The following KDM4B variants were observed in gnomAD, a reference collection of about 807,000 sequenced individuals.
The protein encoded by KDM4B is lysine-specific demethylase 4B.
In KDM4B, 32 loss-of-function variants were observed where a neutral mutation model predicts 125.2. That is an observed-to-expected ratio of 0.26 (90% CI 0.19 to 0.34). The LOEUF is 0.34. KDM4B is among the 10% of genes least tolerant of loss of function. The pLI, the probability that KDM4B is intolerant of heterozygous loss-of-function variation, is 1.00. For missense variants in KDM4B, 1,190 were observed against 1,577.7 expected, an observed-to-expected ratio of 0.75 and a Z score of 4.16; for synonymous variants, 721 against 677.9, an observed-to-expected ratio of 1.06 and a Z score of -0.99.
chr19:5,151,364 C>T lies in KDM4B; in HGVS notation c.3144C>T (p.Pro1048=), dbSNP rs576065018. 17 of 1,583,516 alleles carry T rather than the reference C, an allele frequency of 1.1e-5. No individual in the cohort carries two copies. The highest frequency in any genetic ancestry group is 8.9e-5 in the Admixed American group (5 of 56,108). The part of the protein sequence containing the change: ...LSLSTGAPQE[P]AFSGEEAKAA... Reference sequence around the variant, plus strand: ...TGAGCACGGGGGCACCGCAGGAGCCCGCCTTCTCGGGGGAGGAGGCCAAGG... The same window carrying T: ...TGAGCACGGGGGCACCGCAGGAGCCTGCCTTCTCGGGGGAGGAGGCCAAGG... The change falls in exon 23 of 23, where the codon CCC becomes CCT. Residue 1048 remains proline, a synonymous_variant. Transcript: ENST00000159111.
At chr19:5,122,405 T>G (rs548207552) in intron 11 of KDM4B, among the ~76,000 whole-genome samples, 2 of 152,300 alleles carry the variant, frequency 1.3e-5, no homozygotes, top group East Asian at 3.9e-4. Context: ...GGGGACAGAT[T>G]CCCAGGCTCC....
intron 1 of KDM4B, among the ~76,000 whole-genome samples, chr19:4,972,531 G>A (rs2034296387): frequency 6.6e-6 from 1 of 152,142 alleles, no homozygotes. Context: ...GCACCGTAGG[G>A]TGAGTGTGAA....
chr19:4,988,593 G>T (rs1340672958), intron 1 of KDM4B, among the ~76,000 whole-genome samples: 1 of 152,108 alleles, frequency 6.6e-6, no homozygotes, highest in Admixed American at 6.6e-5. Flanking sequence ...CCTTCTTTGA[G>T]CTTAATTTGC....
intron 1 of KDM4B, among the ~76,000 whole-genome samples, chr19:5,005,743 C>G (rs1483006226): frequency 6.6e-6 from 1 of 152,194 alleles, no homozygotes; most frequent in Non-Finnish European, 1.5e-5. Flanking sequence ...TAAGATCGCT[C>G]TTAGAGGCTA....
intron 10 of KDM4B, chr19:5,113,164 C>A: frequency 6.6e-6 from 1 of 152,304 alleles, no homozygotes; most frequent in Non-Finnish European, 1.5e-5. Context: ...CCGGCCACCC[C>A]CTCACTTCTA....
At chr19:5,060,557 C>T (rs2037561732) in intron 6 of KDM4B, among the ~76,000 whole-genome samples, 1 of 150,372 alleles carries the variant, frequency 6.7e-6, no homozygotes, top group Non-Finnish European at 1.5e-5. Context: ...TTTAAACCAT[C>T]CTGTGCCTTT....
In KDM4B at chr19:5,030,386, C is replaced by T. The variant is rs544312283; in HGVS notation, c.-25-2480C>T. Among the ~76,000 whole-genome samples the T allele has an allele frequency of 8.1e-4, 123 of 152,314 alleles. 1 individual carries two copies. The highest frequency in any genetic ancestry group is 2.5e-3 in the African/African-American group (103 of 41,572). ...TGGGGGACATGAGAGTGTGGCAGGC[C>T]CCATACTGCATAGGTCACCCTGTGG... is the stretch of plus-strand genomic sequence containing the variant. On this transcript the variant is annotated intron_variant, in intron 2 of 22. Coordinates refer to ENST00000159111, the MANE Select transcript of KDM4B (RefSeq NM_015015.3).
intron 10 of KDM4B, chr19:5,111,369 A>T (rs1168626510): frequency 1.3e-6 from 1 of 763,078 alleles, no homozygotes; most frequent in Admixed American, 1.7e-5. Flanking sequence ...CCCTCCTCCC[A>T]CTCAGAACCC....
At chr19:5,031,455 G>A (rs1454930892) in intron 2 of KDM4B, among the ~76,000 whole-genome samples, 1 of 152,266 alleles carries the variant, frequency 6.6e-6, no homozygotes, top group African/African-American at 2.4e-5. Flanking sequence ...GCTGCCCCAT[G>A]GGAGAAGCTG....
At chr19:5,077,581 A>G (rs2038157223) in intron 8 of KDM4B, 111 bp downstream of exon 8, 2 of 883,416 alleles carry the variant, frequency 2.3e-6, no homozygotes, top group Admixed American at 2.0e-5. Context: ...AGAAGTTTCT[A>G]GAACAGTGAT....
intron 2 of KDM4B, among the ~76,000 whole-genome samples, chr19:5,021,172 C>G (rs754453763): frequency 3.3e-5 from 5 of 151,646 alleles, no homozygotes; most frequent in Non-Finnish European, 2.9e-5. Context: ...GAAAACACCC[C>G]TGGCTGCAGG....
At chr19:5,013,350 G>A (rs928299878) in intron 1 of KDM4B, among the ~76,000 whole-genome samples, 1 of 152,188 alleles carries the variant, frequency 6.6e-6, no homozygotes, top group African/African-American at 2.4e-5. Flanking sequence ...GGCCTGGGTG[G>A]CCCCTGGGAG....
intron 6 of KDM4B, among the ~76,000 whole-genome samples, chr19:5,051,675 G>A (rs894624868): frequency 2.6e-5 from 4 of 152,248 alleles, no homozygotes; most frequent in African/African-American, 9.6e-5. Context: ...AGGGAAGGGG[G>A]TGTCCCCCAG....
At chr19:5,040,733 T>C (rs1030889368) in intron 4 of KDM4B, among the ~76,000 whole-genome samples, 7 of 152,168 alleles carry the variant, frequency 4.6e-5, no homozygotes, top group Non-Finnish European at 8.8e-5. Context: ...GAGGTTCACG[T>C]GCCTTGTGGC....
At chr19:4,995,361 GC>G (rs545793155) in intron 1 of KDM4B, among the ~76,000 whole-genome samples, 7 of 151,990 alleles carry the variant, frequency 4.6e-5, no homozygotes, top group Non-Finnish European at 8.8e-5. Context: ...GGGCAACAGA[GC>G]AAGAATCCTG....
rs58219404 is a variant in KDM4B at position 5,035,880 on chromosome 19, T to TGTGTGTGTGTGTGTGTGCGCGC, written c.141+2850_141+2851insTGTGTGTGTGTGTGTGCGCGCG. 1.7e-4 allele frequency among the ~76,000 whole-genome samples: 23 copies of TGTGTGTGTGTGTGTGTGCGCGC among 136,400 alleles called. No individual in the cohort carries two copies. The highest frequency in any genetic ancestry group is 5.8e-4 in the African/African-American group (22 of 37,794). The allele number at this position is 136,400 out of a possible 152,430, so 89.5% of individuals were successfully genotyped here. A position where few individuals can be genotyped will look rare whatever the true frequency, so the allele number is the denominator to read the frequency against. Reference sequence around the variant, plus strand: ...ACGTGTCTCTGTGTGTGTGTGTGTGTGCGCGCGCGCGCGCGCCTGCGCGCA... The same window carrying TGTGTGTGTGTGTGTGTGCGCGC: ...ACGTGTCTCTGTGTGTGTGTGTGTGTGTGTGTGTGTGTGTGTGCGCGCGCGCGCGCGCGCGCGCCTGCGCGCA... On this transcript the variant is annotated intron_variant, in intron 3 of 22. Coordinates refer to ENST00000159111, the MANE Select transcript of KDM4B (RefSeq NM_015015.3). The surrounding 1 kb of genome is among the most constrained non-coding windows in gnomAD (Gnocchi z 5.3).
rs748669919 is a variant in KDM4B at position 5,144,816 on chromosome 19, G to A, written c.2935G>A (p.Glu979Lys). 7.4e-6 allele frequency: 12 copies of A among 1,613,294 alleles called. No homozygotes were observed. The highest frequency in any genetic ancestry group is 5.3e-5 in the African/African-American group (4 of 74,922). The change falls in exon 21 of 23, where the codon GAG becomes AAG. Residue 979 changes from glutamate (E) to lysine (K), a missense_variant. By Grantham distance (56) the Glu-to-Lys change is moderately conservative. Coordinates refer to ENST00000159111, the MANE Select transcript of KDM4B (RefSeq NM_015015.3). ...CTGTGTCCAGCTGGGACCCCCTTCC[G>A]AGGGGGAGCTGGTGGAGCTCCGGTG... is the stretch of plus-strand genomic sequence containing the variant. ...RDCVQLGPPS[E>K]GELVELRWTD...
intron 1 of KDM4B, among the ~76,000 whole-genome samples, chr19:5,006,422 T>A (rs558506798): frequency 1.9e-4 from 29 of 152,258 alleles, no homozygotes; most frequent in African/African-American, 7.0e-4. Context: ...TGTTGCCACA[T>A]CATCTGCCCT....
chr19:5,029,971 G>A (rs968352634), intron 2 of KDM4B, among the ~76,000 whole-genome samples: 5 of 152,252 alleles, frequency 3.3e-5, no homozygotes, highest in Non-Finnish European at 5.9e-5. Context: ...TCTCCCCAGC[G>A]TGGGTTTTGA....
Sources: allele counts gnomAD v4.1 joint callset (sites outside exome capture counted in the v4.1 genomes callset), GRCh38; gene constraint gnomAD v4.1.1; non-coding constraint Gnocchi (gnomAD v3.1); transcripts MANE v1.5; gene names NCBI Gene and HGNC (gene_info 2026-07-23, HGNC 2026-07-21).